Variants in PTPRD observed in about 807,000 individuals in gnomAD.
PTPRD encodes the protein receptor-type tyrosine-protein phosphatase delta.
PTPRD carries 34 observed loss-of-function variants against 214.5 expected under a neutral mutation model. The ratio of observed to expected loss-of-function variants is 0.16; its 90% CI spans 0.12 to 0.21. The LOEUF is 0.21. Among genes scored for constraint, PTPRD ranks in the 10% least tolerant of loss-of-function variants. PTPRD has a pLI of 1.00. For missense variants in PTPRD, 2,545 were observed against 2,398.7 expected, an observed-to-expected ratio of 1.06 and a Z score of -1.27; for synonymous variants, 1,128 against 845.7, an observed-to-expected ratio of 1.33 and a Z score of -5.79.
rs186810922 is a variant in PTPRD, at chr9:10,098,107, T to G, written c.-544-64317A>C. Among the ~76,000 whole-genome samples the G allele has an allele frequency of 1.6e-3, 236 of 151,802 alleles. 3 individuals carry two copies. The highest frequency in any genetic ancestry group is 5.6e-3 in the African/African-American group (230 of 41,438). On this transcript the variant is annotated intron_variant, in intron 3 of 45. Transcript: ENST00000381196. ...TGGAACCAATCCAAATGTCCAACAA[T>G]GATAGACTGGATTAAGAAAATGTGG...
intron 5 of PTPRD, among the ~76,000 whole-genome samples, chr9:9,794,513 CA>C (rs920371869): frequency 3.3e-4 from 30 of 90,446 alleles, no homozygotes; most frequent in South Asian, 3.0e-3. Context: ...ATGTAGATGA[CA>C]AAAATAGAGA....
chr9:9,342,395 G>A (rs926687680), intron 9 of PTPRD, among the ~76,000 whole-genome samples: 1 of 152,014 alleles, frequency 6.6e-6, no homozygotes, highest in Non-Finnish European at 1.5e-5. Context: ...GATGATACAG[G>A]GTTAAAAGGA....
intron 3 of PTPRD, among the ~76,000 whole-genome samples, chr9:10,053,607 G>A (rs1489566006): frequency 2.0e-5 from 3 of 152,054 alleles, no homozygotes; most frequent in African/African-American, 7.2e-5. Context: ...TTGAACCCTG[G>A]CAACTCTTTA....
chr9:8,345,941 G>C (rs1857194360), intron 39 of PTPRD, among the ~76,000 whole-genome samples: 1 of 151,962 alleles, frequency 6.6e-6, no homozygotes, highest in Admixed American at 6.6e-5. Context: ...CAAAAGTTCT[G>C]TCCTTCTTTC....
At chr9:10,452,837 CTCA>C (rs2098852440) in intron 2 of PTPRD, among the ~76,000 whole-genome samples, 1 of 151,532 alleles carries the variant, frequency 6.6e-6, no homozygotes, top group Admixed American at 6.6e-5. Context: ...TTGATGTAGT[CTCA>C]TGTTTATTTT....
intron 3 of PTPRD, among the ~76,000 whole-genome samples, chr9:10,215,053 A>C (rs1209230419): frequency 2.0e-5 from 3 of 152,102 alleles, no homozygotes; most frequent in African/African-American, 7.2e-5. Flanking sequence ...CTCTAGTCTT[A>C]AAATGTATCC....
At chr9:9,396,943 T>C (rs1243247045) in intron 9 of PTPRD, among the ~76,000 whole-genome samples, 2 of 152,062 alleles carry the variant, frequency 1.3e-5, no homozygotes, top group African/African-American at 2.4e-5. Flanking sequence ...AGATTAACTA[T>C]ATTGTTCCAA....
chr9:8,905,686 C>T, intron 11 of PTPRD, among the ~76,000 whole-genome samples: 1 of 150,294 alleles, frequency 6.7e-6, no homozygotes, highest in Non-Finnish European at 1.5e-5. Flanking sequence ...TTGCAGTGAG[C>T]CGGAATCACG....
chr9:8,813,684 T>A (rs567243674), intron 11 of PTPRD, among the ~76,000 whole-genome samples: 66 of 152,264 alleles, frequency 4.3e-4, no homozygotes, highest in Admixed American at 1.6e-3. Context: ...TCCTCCTCTC[T>A]CCTTTCATGA....
At chr9:8,642,137 T>C (rs921507579) in intron 12 of PTPRD, among the ~76,000 whole-genome samples, 1 of 151,104 alleles carries the variant, frequency 6.6e-6, no homozygotes, top group Non-Finnish European at 1.5e-5. Context: ...TAACTTAGAG[T>C]TGAGGTATAT....
chr9:10,448,878 T>G (rs2130714662), intron 2 of PTPRD, among the ~76,000 whole-genome samples: 1 of 152,184 alleles, frequency 6.6e-6, no homozygotes, highest in African/African-American at 2.4e-5. Context: ...TATCTCTTAC[T>G]AATATTTCAT....
chr9:9,449,233 A>C (rs2091417443), intron 8 of PTPRD, among the ~76,000 whole-genome samples: 1 of 152,064 alleles, frequency 6.6e-6, no homozygotes, highest in Non-Finnish European at 1.5e-5. Context: ...CCATTTTGGA[A>C]TTATAGATAT....
chr9:9,242,411 G>T (rs1272249652), intron 9 of PTPRD, among the ~76,000 whole-genome samples: 3 of 152,156 alleles, frequency 2.0e-5, no homozygotes, highest in African/African-American at 7.2e-5. Context: ...GATTGGGGAA[G>T]TTCTCCTGGA....
intron 4 of PTPRD, among the ~76,000 whole-genome samples, chr9:9,974,657 T>A (rs752214642): frequency 2.0e-5 from 3 of 152,182 alleles, no homozygotes; most frequent in Non-Finnish European, 4.4e-5. Flanking sequence ...TTTGAAAACC[T>A]CCTTAAAACA....
At chr9:10,221,217 G>A (rs1029332823) in intron 3 of PTPRD, among the ~76,000 whole-genome samples, 9 of 151,938 alleles carry the variant, frequency 5.9e-5, no homozygotes, top group Non-Finnish European at 1.2e-4. Flanking sequence ...TCCAGTCGTT[G>A]GTGTGCAGAA....
intron 2 of PTPRD, among the ~76,000 whole-genome samples, chr9:10,574,346 C>T (rs1184297581): frequency 1.3e-5 from 2 of 151,902 alleles, no homozygotes. Flanking sequence ...TAAGAGGAAC[C>T]GTTGAACTTC....
At chr9:9,931,258 G>A (rs1374222940) in intron 5 of PTPRD, among the ~76,000 whole-genome samples, 1 of 152,194 alleles carries the variant, frequency 6.6e-6, no homozygotes, top group Non-Finnish European at 1.5e-5. Context: ...CCGGTCTACA[G>A]CTCCCAGCGT....
intron 2 of PTPRD, among the ~76,000 whole-genome samples, chr9:10,486,991 T>G (rs1207445402): frequency 1.3e-5 from 2 of 152,218 alleles, no homozygotes; most frequent in Non-Finnish European, 2.9e-5. Context: ...GCTCCAGTGT[T>G]GGATGCATAC....
chr9:8,444,964 T>C (rs112696910), intron 34 of PTPRD, among the ~76,000 whole-genome samples: 17 of 152,322 alleles, frequency 1.1e-4, no homozygotes, highest in African/African-American at 3.8e-4. Context: ...TTCCTTTAAA[T>C]GCATCTTTTA....
Sources: allele counts gnomAD v4.1 joint callset (sites outside exome capture counted in the v4.1 genomes callset), GRCh38; gene constraint gnomAD v4.1.1; transcripts MANE v1.5; gene names NCBI Gene and HGNC (gene_info 2026-07-23, HGNC 2026-07-21).